Variants in MRTFB observed in about 807,000 individuals in gnomAD.
The protein encoded by MRTFB is myocardin related transcription factor B.
MRTFB carries 29 observed loss-of-function variants against 104.2 expected under a neutral mutation model. The observed-to-expected ratio is 0.28, with a 90% CI of 0.21 to 0.38. MRTFB has a LOEUF of 0.38. Among genes scored for constraint, MRTFB ranks in the 10% least tolerant of loss-of-function variants. MRTFB has a pLI of 1.00. For missense variants in MRTFB, 1,270 were observed against 1,341.6 expected (o/e 0.95, Z 0.83); for synonymous variants, 535 against 519.5 (o/e 1.03, Z -0.41).
chr16:14,100,500 G>A (rs1470999905), intron 2 of MRTFB, among the ~76,000 whole-genome samples: 2 of 152,070 alleles, frequency 1.3e-5, no homozygotes, highest in African/African-American at 2.4e-5. Context: ...TTAAAATTTT[G>A]TTTAGAATTT....
intron 2 of MRTFB, among the ~76,000 whole-genome samples, chr16:14,134,779 A>G (rs1189430199): frequency 6.6e-6 from 1 of 152,166 alleles, no homozygotes; most frequent in Non-Finnish European, 1.5e-5. Context: ...TTTGGCACAT[A>G]CATATACCAT....
At chr16:14,066,092 C>G in the MRTFB span, among the ~76,000 whole-genome samples, 1 of 152,122 alleles carries the variant, frequency 6.6e-6, no homozygotes, top group Non-Finnish European at 1.5e-5. Context: ...TATTGACATA[C>G]TAGCTGGCAC....
intron 8 of MRTFB, among the ~76,000 whole-genome samples, chr16:14,227,711 C>G (rs1194940805): frequency 1.3e-5 from 2 of 152,082 alleles, no homozygotes; most frequent in South Asian, 2.1e-4. Context: ...AGGGTTTCAC[C>G]ATGTTGGTCA....
rs143985571 is a variant in MRTFB, at chr16:14,148,276, A to C, written c.154+7516A>C. On this transcript the variant is annotated intron_variant, in intron 3 of 16. Coordinates refer to ENST00000571589, the MANE Select transcript of MRTFB (RefSeq NM_001308142.2). ...CTGGGCTGAGAGACTTAGGAAAATT[A>C]AAGTGGGGCTCCGTTTACTTATGTC... 2.5e-4 allele frequency among the ~76,000 whole-genome samples: 38 copies of C among 152,318 alleles called. No individual in the cohort carries two copies. The East Asian group carries it at 6.6e-3, about 26-fold the overall frequency.
At chr16:14,244,222 A>G (rs1345309391) in intron 10 of MRTFB, among the ~76,000 whole-genome samples, 1 of 152,144 alleles carries the variant, frequency 6.6e-6, no homozygotes, top group Non-Finnish European at 1.5e-5. Context: ...TGCTGATAGC[A>G]GTTCATTTTT....
At chr16:14,117,983 C>T (rs1214591367) in intron 2 of MRTFB, among the ~76,000 whole-genome samples, 2 of 152,110 alleles carry the variant, frequency 1.3e-5, no homozygotes, top group Non-Finnish European at 2.9e-5. Context: ...AATATAACCT[C>T]CACCTAGCTT....
At chr16:14,127,168 G>C (rs1241361497) in intron 2 of MRTFB, among the ~76,000 whole-genome samples, 3 of 152,140 alleles carry the variant, frequency 2.0e-5, no homozygotes, top group Admixed American at 6.6e-5. Context: ...TTATTAGTTT[G>C]TGCAAGGATT....
chr16:14,068,032 A>G (rs1048156204), upstream of MRTFB, among the ~76,000 whole-genome samples: 1 of 151,934 alleles, frequency 6.6e-6, no homozygotes, highest in East Asian at 1.9e-4. Flanking sequence ...GGGATTCAAC[A>G]TGTTGGCCAG....
chr16:14,243,085 A>G (rs1597359082), intron 10 of MRTFB, among the ~76,000 whole-genome samples: 1 of 152,338 alleles, frequency 6.6e-6, no homozygotes. Flanking sequence ...TCGGGGGACA[A>G]TAATGAATGA....
intron 8 of MRTFB, among the ~76,000 whole-genome samples, chr16:14,225,242 T>G (rs187686307): frequency 1.4e-4 from 21 of 152,206 alleles, no homozygotes; most frequent in Middle Eastern, 3.4e-3. Flanking sequence ...GTATTATAAT[T>G]TTGGTCTGTA....
At chr16:14,243,938 C>G (rs998564944) in intron 10 of MRTFB, among the ~76,000 whole-genome samples, 2 of 147,138 alleles carry the variant, frequency 1.4e-5, no homozygotes, top group Admixed American at 6.8e-5. Flanking sequence ...CGGCTCACTG[C>G]AAGCTCTGCC....
intron 15 of MRTFB, 113 bp downstream of exon 15, chr16:14,252,615 T>C: frequency 8.0e-7 from 1 of 1,248,352 alleles, no homozygotes. Flanking sequence ...TCAATAGAAA[T>C]ACAAAAATAA....
At chr16:14,191,753 G>A (rs1450597932) in intron 3 of MRTFB, 2 of 151,908 alleles carry the variant, frequency 1.3e-5, no homozygotes, top group East Asian at 3.9e-4. Context: ...ATGCCATGGT[G>A]CCCCGAAGGC....
the MRTFB span, among the ~76,000 whole-genome samples, chr16:14,058,626 T>G: frequency 6.6e-6 from 1 of 152,262 alleles, no homozygotes; most frequent in East Asian, 1.9e-4. Flanking sequence ...CAACTTGCTT[T>G]CTTAAGTATT....
intron 3 of MRTFB, among the ~76,000 whole-genome samples, chr16:14,184,944 C>T (rs971823630): frequency 5.3e-5 from 8 of 152,170 alleles, no homozygotes; most frequent in South Asian, 2.1e-4. Flanking sequence ...ATAGCGACCA[C>T]GCCAATTGTG....
intron 2 of MRTFB, among the ~76,000 whole-genome samples, chr16:14,085,454 T>TC (rs1491569871): frequency 8.9e-6 from 1 of 111,812 alleles, no homozygotes; most frequent in African/African-American, 4.4e-5. Context: ...TGAAATTCCA[T>TC]CTCAAAAAAA....
chr16:14,130,550 T>G (rs1317297727), intron 2 of MRTFB, among the ~76,000 whole-genome samples: 1 of 152,250 alleles, frequency 6.6e-6, no homozygotes, highest in Non-Finnish European at 1.5e-5. Context: ...TAGCCCAGAC[T>G]TGCCAGTGGT....
chr16:14,241,964 C>T lies in MRTFB; in HGVS notation c.1079+1480C>T, dbSNP rs202141099. Among the ~76,000 whole-genome samples the T allele has an allele frequency of 4.4e-4, 61 of 138,590 alleles. 1 individual carries two copies. The East Asian group carries it at 9.4e-3, about 21-fold the overall frequency. 90.9% of individuals were successfully genotyped at this position (138,590 alleles called of 152,430 possible). On this transcript the variant is annotated intron_variant, in intron 10 of 16. Coordinates refer to ENST00000571589, the MANE Select transcript of MRTFB (RefSeq NM_001308142.2). ...GCCATCCTCCTTTGGCATTGGGCAC[C>T]AATAATAATAATAATAATAATAATA...
intron 3 of MRTFB, among the ~76,000 whole-genome samples, chr16:14,165,183 G>C (rs2039190427): frequency 6.6e-6 from 1 of 151,908 alleles, no homozygotes; most frequent in Admixed American, 6.6e-5. Context: ...TCAGTTGCTT[G>C]ATATATTGCT....
Sources: allele counts gnomAD v4.1 joint callset (sites outside exome capture counted in the v4.1 genomes callset), GRCh38; gene constraint gnomAD v4.1.1; transcripts MANE v1.5; gene names NCBI Gene and HGNC (gene_info 2026-07-23, HGNC 2026-07-21).